The following CTIF variants were observed in gnomAD, a reference collection of about 807,000 sequenced individuals.
CTIF encodes CBP80/20-dependent translation initiation factor.
Under a neutral mutation model 66.0 loss-of-function variants are expected in CTIF, and 21 were observed. The observed-to-expected ratio is 0.32, with a 90% CI of 0.23 to 0.46. CTIF has a LOEUF of 0.46. Among genes scored for constraint, CTIF ranks in the 20% least tolerant of loss-of-function variants. The pLI is 1.00. For synonymous variants in CTIF, 345 were observed against 326.4 expected (o/e 1.06, Z -0.62); for missense variants, 739 against 812.7 (o/e 0.91, Z 1.10).
intron 9 of CTIF, among the ~76,000 whole-genome samples, chr18:48,808,827 A>G (rs1169881238): frequency 6.6e-6 from 1 of 152,112 alleles, no homozygotes; most frequent in African/African-American, 2.4e-5. Context: ...AACTCTTTCC[A>G]ATGTTGTTTT....
At chr18:48,633,651 A>G (rs1200693351) in intron 2 of CTIF, among the ~76,000 whole-genome samples, 1 of 152,022 alleles carries the variant, frequency 6.6e-6, no homozygotes, top group Non-Finnish European at 1.5e-5. Flanking sequence ...GCAGGGAACC[A>G]AGATTGCGCC....
chr18:48,563,315 G>A (rs1412104891), intron 1 of CTIF, among the ~76,000 whole-genome samples: 16 of 152,196 alleles, frequency 1.1e-4, no homozygotes, highest in African/African-American at 3.9e-4. Context: ...CTCAATCTTG[G>A]TAGTGGTTTG....
intron 1 of CTIF, among the ~76,000 whole-genome samples, chr18:48,611,754 A>T (rs1456626261): frequency 6.6e-6 from 1 of 152,234 alleles, no homozygotes; most frequent in Non-Finnish European, 1.5e-5. Context: ...GTGAAACAAA[A>T]GTCCCACAAA....
chr18:48,589,651 G>A (rs549710368), intron 1 of CTIF, among the ~76,000 whole-genome samples: 18 of 152,336 alleles, frequency 1.2e-4, no homozygotes, highest in African/African-American at 3.8e-4. Flanking sequence ...GGTCACACTG[G>A]TTCACCTTGT....
chr18:48,692,349 A>C (rs946624973), intron 6 of CTIF, among the ~76,000 whole-genome samples: 3 of 124,194 alleles, frequency 2.4e-5, no homozygotes, highest in East Asian at 1.9e-4. Context: ...AAAAAAAAAA[A>C]CCACCCTTAC....
rs369209120 is a variant in CTIF, at chr18:48,859,272, C to G, written c.1582-72C>G. Reference sequence around the variant, plus strand: ...CAACCCAGCTATTTCCTATCCCTGCCCACCTAATCAGGGTGGCCAGTGGGC... The same window carrying G: ...CAACCCAGCTATTTCCTATCCCTGCGCACCTAATCAGGGTGGCCAGTGGGC... On this transcript the variant is annotated intron_variant, in intron 11 of 11. Coordinates refer to ENST00000256413, the MANE Select transcript of CTIF (RefSeq NM_014772.3). The G allele has an allele frequency of 1.1e-5, 14 of 1,308,566 alleles. No individual in the cohort carries two copies. In the African/African-American group the frequency reaches 1.9e-4, roughly 18 times the overall value. The allele number at this position is 1,308,566 out of a possible 1,614,324, so 81.1% of individuals were successfully genotyped here.
chr18:48,682,971 G>A (rs2091771702), intron 6 of CTIF: 1 of 152,336 alleles, frequency 6.6e-6, no homozygotes, highest in Admixed American at 6.5e-5. Flanking sequence ...ATGGGGCGAA[G>A]CCCTGGGCTC....
intron 1 of CTIF, among the ~76,000 whole-genome samples, chr18:48,616,524 C>T (rs966774521): frequency 3.9e-5 from 6 of 152,194 alleles, no homozygotes; most frequent in African/African-American, 9.6e-5. Flanking sequence ...TAGGCATAGT[C>T]GTGCAGACCT....
chr18:48,797,496 G>C (rs558327488), intron 9 of CTIF, among the ~76,000 whole-genome samples: 10 of 149,504 alleles, frequency 6.7e-5, no homozygotes, highest in African/African-American at 1.2e-4. Flanking sequence ...AAGAAAAGGG[G>C]TGGGGGGGCA....
chr18:48,550,393 C>T (rs1334472811), intron 1 of CTIF, among the ~76,000 whole-genome samples: 5 of 152,244 alleles, frequency 3.3e-5, no homozygotes, highest in African/African-American at 1.2e-4. Flanking sequence ...CCTGCACATT[C>T]TGCAGAATGA....
At chr18:48,581,234 T>TC (rs201250308) in intron 1 of CTIF, among the ~76,000 whole-genome samples, 2,846 of 152,220 alleles carry the variant, frequency 0.019, 94 homozygotes, top group African/African-American at 0.065. Context: ...TTTGGGTTTT[T>TC]TTTGTTGTTG....
At chr18:48,790,827 G>A (rs972155031) in intron 9 of CTIF, among the ~76,000 whole-genome samples, 1 of 152,162 alleles carries the variant, frequency 6.6e-6, no homozygotes, top group South Asian at 2.1e-4. Flanking sequence ...AGGCCACCTC[G>A]TGCTGGGGAA....
chr18:48,621,677 G>A (rs1045833205), intron 2 of CTIF: 3 of 291,874 alleles, frequency 1.0e-5, no homozygotes, highest in Admixed American at 1.0e-4. Context: ...TGAGCAGGGG[G>A]CCGTGACGGG....
chr18:48,619,534 C>A lies in CTIF; in HGVS notation c.-28-4C>A, dbSNP rs750258333. The A allele has an allele frequency of 2.8e-6, 4 of 1,439,312 alleles. No homozygotes were observed. Among genetic ancestry groups the A allele is most frequent in the Admixed American group, 5.2e-5 (2 of 38,376 alleles). 89.2% of individuals were successfully genotyped at this position (1,439,312 alleles called of 1,614,324 possible). A position where few individuals can be genotyped will look rare whatever the true frequency, so the allele number is the denominator to read the frequency against. ...ACGGAGTTCTCTGTCCTCTTTCCCA[C>A]CAGTCCCGGCCCAGGCCCCTGAGCT... On this transcript the variant is annotated splice_polypyrimidine_tract_variant and splice_region_variant and intron_variant, in intron 1 of 11. Coordinates refer to ENST00000256413, the MANE Select transcript of CTIF (RefSeq NM_014772.3).
chr18:48,683,703 G>A (rs981842327), intron 6 of CTIF, among the ~76,000 whole-genome samples: 8 of 152,324 alleles, frequency 5.3e-5, no homozygotes, highest in African/African-American at 1.9e-4. Context: ...ACCTCAAGGA[G>A]TGTTTTCATT....
intron 1 of CTIF, among the ~76,000 whole-genome samples, chr18:48,596,012 A>T (rs907538): frequency 0.2 from 30,300 of 152,038 alleles, 3,059 homozygotes; most frequent in South Asian, 0.24. Context: ...TTGTAACTGA[A>T]TCACAGAAGT....
chr18:48,593,043 A>T (rs1178508940), intron 1 of CTIF, among the ~76,000 whole-genome samples: 3 of 152,148 alleles, frequency 2.0e-5, no homozygotes, highest in Non-Finnish European at 4.4e-5. Context: ...TTTTTAGAGG[A>T]TGCCTGTGAA....
chr18:48,721,719 C>T lies in CTIF; in HGVS notation c.584+10024C>T, dbSNP rs990688363. 3.3e-5 allele frequency among the ~76,000 whole-genome samples: 5 copies of T among 151,920 alleles called. No individual in the cohort carries two copies. In the South Asian group the frequency reaches 6.2e-4, roughly 19 times the overall value. On this transcript the variant is annotated intron_variant, in intron 7 of 11. Coordinates refer to ENST00000256413, the MANE Select transcript of CTIF (RefSeq NM_014772.3). Reference sequence around the variant, plus strand: ...ACGAGGGAAGTCCTGACCCTGTGTGCGGCTCTGAGTCTAACCTCAGAGAAC... The same window carrying T: ...ACGAGGGAAGTCCTGACCCTGTGTGTGGCTCTGAGTCTAACCTCAGAGAAC...
intron 9 of CTIF, among the ~76,000 whole-genome samples, chr18:48,803,624 G>A (rs2068088451): frequency 6.6e-6 from 1 of 152,130 alleles, no homozygotes; most frequent in Non-Finnish European, 1.5e-5. Flanking sequence ...GAGCCCACCT[G>A]CCCCAGCTGC....
Sources: gnomAD v4.1 joint callset for allele counts (sites outside exome capture counted in the v4.1 genomes callset) on GRCh38, gnomAD v4.1.1 for gene constraint, MANE v1.5 for transcripts, NCBI Gene and HGNC (gene_info 2026-07-23, HGNC 2026-07-21) for gene names.